The following ATRNL1 variants were observed in gnomAD, a reference collection of about 807,000 sequenced individuals.
ATRNL1 encodes the protein attractin like 1.
In ATRNL1, 95 loss-of-function variants were observed where a neutral mutation model predicts 182.7. That is an observed-to-expected ratio of 0.52 (90% confidence interval 0.44 to 0.62). The LOEUF is 0.62. ATRNL1 is among the 20% of genes least tolerant of loss of function. The pLI, the probability that ATRNL1 is intolerant of heterozygous loss-of-function variation, is 0.00. For synonymous variants in ATRNL1, 576 were observed against 568.3 expected, an observed-to-expected ratio of 1.01 and a Z score of -0.19; for missense variants, 1,471 against 1,679.5, an observed-to-expected ratio of 0.88 and a Z score of 2.17.
chr10:115,913,589 C>T (rs782523377), intron 28 of ATRNL1, among the ~76,000 whole-genome samples: 1 of 152,214 alleles, frequency 6.6e-6, no homozygotes, highest in Non-Finnish European at 1.5e-5. Flanking sequence ...GGAAACAGTA[C>T]ATGGTAGGTT....
intron 27 of ATRNL1, among the ~76,000 whole-genome samples, chr10:115,793,249 TTGA>T (rs1949571256): frequency 6.6e-6 from 1 of 152,104 alleles, no homozygotes. Context: ...AAGGTTATAT[TTGA>T]AGAAATGTCT....
chr10:115,667,455 C>A (rs1289494976), intron 26 of ATRNL1, among the ~76,000 whole-genome samples: 1 of 152,090 alleles, frequency 6.6e-6, no homozygotes, highest in East Asian at 1.9e-4. Flanking sequence ...CTGCTTAAGT[C>A]AGAACCTGTC....
rs369092144 is a variant in ATRNL1 at position 115,611,874 on chromosome 10, A to T, written c.3795+62338A>T. On this transcript the variant is annotated intron_variant, in intron 26 of 28. Coordinates refer to ENST00000355044, the MANE Select transcript of ATRNL1 (RefSeq NM_207303.4). Reference sequence around the variant, plus strand: ...TGGATATGATTTTTTAAAATTTATTAATAGCATCAAAGAACTAAATTGACA... The same window carrying T: ...TGGATATGATTTTTTAAAATTTATTTATAGCATCAAAGAACTAAATTGACA... Among the ~76,000 whole-genome samples the T allele has an allele frequency of 2.6e-4, 39 of 152,310 alleles. 1 individual carries two copies. The South Asian group carries it at 7.9e-3, about 31-fold the overall frequency.
chr10:115,792,806 A>G (rs967351335), intron 27 of ATRNL1, among the ~76,000 whole-genome samples: 1 of 152,018 alleles, frequency 6.6e-6, no homozygotes, highest in South Asian at 2.1e-4. Flanking sequence ...CCTCTGCTCA[A>G]TACGGTTAAG....
intron 8 of ATRNL1, among the ~76,000 whole-genome samples, chr10:115,172,368 T>C (rs1847327132): frequency 6.9e-6 from 1 of 145,704 alleles, no homozygotes; most frequent in Non-Finnish European, 1.6e-5. Flanking sequence ...TGCTCTCAGA[T>C]GGCTGTGTTT....
At chr10:115,786,922 A>C (rs1013063565) in intron 27 of ATRNL1, among the ~76,000 whole-genome samples, 9 of 152,236 alleles carry the variant, frequency 5.9e-5, no homozygotes, top group Non-Finnish European at 1.3e-4. Context: ...GTTTTTGCCA[A>C]GATGAGGTCA....
At chr10:115,533,646 G>T (rs1592803323) in intron 25 of ATRNL1, among the ~76,000 whole-genome samples, 1 of 151,634 alleles carries the variant, frequency 6.6e-6, no homozygotes, top group Admixed American at 6.6e-5. Flanking sequence ...CTTCTGCTAG[G>T]TTTTGAATGT....
chr10:115,369,737 G>T (rs1447430095), intron 19 of ATRNL1, among the ~76,000 whole-genome samples: 2 of 152,004 alleles, frequency 1.3e-5, no homozygotes, highest in African/African-American at 2.4e-5. Context: ...TCTAACTCTT[G>T]TTATCTTTTG....
Position 115,215,697 on chromosome 10 carries a change from C to T in ATRNL1, c.1349C>T (p.Ser450Leu), listed in dbSNP as rs1554896031. ...ATAATGTATTTTATTTCTGTTACAG[C>T]ATCAAACACTTGGCTTGTTCCAGAA... ...YTSSIQEYHI[S>L]SNTWLVPETK... Residue 450 changes from serine to leucine, a missense_variant and splice_region_variant, in exon 9 of 29, where the codon TCA becomes TTA. Transcript: ENST00000355044. 6.3e-7 allele frequency: 1 copy of T among 1,586,326 alleles called. No individual in the cohort carries two copies. The highest frequency in any genetic ancestry group is 8.5e-7 in the Non-Finnish European group (1 of 1,170,378).
intron 11 of ATRNL1, among the ~76,000 whole-genome samples, chr10:115,265,656 A>T (rs1554910420): frequency 6.6e-6 from 1 of 151,680 alleles, no homozygotes; most frequent in African/African-American, 2.4e-5. Flanking sequence ...AAGTGAGAAG[A>T]ATTAGATTCT....
intron 27 of ATRNL1, among the ~76,000 whole-genome samples, chr10:115,787,370 T>C (rs532430785): frequency 1.3e-5 from 2 of 152,338 alleles, no homozygotes; most frequent in East Asian, 3.9e-4. Flanking sequence ...ATAGTTTTAA[T>C]TATTTTCACT....
intron 26 of ATRNL1, among the ~76,000 whole-genome samples, chr10:115,675,876 CA>C (rs782778533): frequency 1.6e-4 from 25 of 152,114 alleles, no homozygotes; most frequent in East Asian, 1.2e-3. Flanking sequence ...GAAGAAAGCT[CA>C]AAAAGCTAGT....
intron 8 of ATRNL1, among the ~76,000 whole-genome samples, chr10:115,183,054 A>AT (rs1401342269): frequency 1.3e-5 from 2 of 151,530 alleles, no homozygotes; most frequent in African/African-American, 4.8e-5. Flanking sequence ...ATATATATAT[A>AT]AAAAATTAGT....
intron 13 of ATRNL1, among the ~76,000 whole-genome samples, chr10:115,276,713 A>G (rs1852121897): frequency 6.6e-6 from 1 of 152,196 alleles, no homozygotes; most frequent in African/African-American, 2.4e-5. Flanking sequence ...ACATGTCAGT[A>G]TATTAGAGTG....
intron 27 of ATRNL1, among the ~76,000 whole-genome samples, chr10:115,785,797 C>A (rs1490257841): frequency 1.3e-5 from 2 of 152,140 alleles, no homozygotes; most frequent in Non-Finnish European, 2.9e-5. Context: ...TTACCATAAG[C>A]AGTAAGAAGA....
intron 27 of ATRNL1, among the ~76,000 whole-genome samples, chr10:115,813,849 AT>A (rs1950104187): frequency 1.3e-5 from 2 of 152,280 alleles, no homozygotes; most frequent in South Asian, 4.1e-4. Flanking sequence ...TTTAAATAAT[AT>A]TTTTTATTTC....
chr10:115,381,714 A>T (rs1399041968), intron 19 of ATRNL1, among the ~76,000 whole-genome samples: 2 of 152,050 alleles, frequency 1.3e-5, no homozygotes, highest in Non-Finnish European at 2.9e-5. Context: ...TTAAAGACTG[A>T]TCCAGTCCAA....
intron 8 of ATRNL1, among the ~76,000 whole-genome samples, chr10:115,204,648 A>G (rs1369216341): frequency 6.6e-6 from 1 of 152,044 alleles, no homozygotes; most frequent in Admixed American, 6.6e-5. Context: ...ATTTTATCAC[A>G]GTGAATTATT....
intron 27 of ATRNL1, among the ~76,000 whole-genome samples, chr10:115,807,433 G>T (rs1243066462): frequency 6.6e-6 from 1 of 152,144 alleles, no homozygotes; most frequent in African/African-American, 2.4e-5. Flanking sequence ...ATACTTTTAA[G>T]TGAATACTAT....
Sources: allele counts gnomAD v4.1 joint callset (sites outside exome capture counted in the v4.1 genomes callset), GRCh38; gene constraint gnomAD v4.1.1; transcripts MANE v1.5; gene names NCBI Gene and HGNC (gene_info 2026-07-23, HGNC 2026-07-21).